AXIN2: variants seen among roughly 807,000 people sequenced by gnomAD.
The protein encoded by AXIN2 is axin 2, also known as axin-2.
In AXIN2, 21 loss-of-function variants were observed where a neutral mutation model predicts 74.7. The observed-to-expected ratio is 0.28, with a 90% CI of 0.20 to 0.40. The LOEUF is 0.40. AXIN2 is among the 10% of genes least tolerant of loss of function. AXIN2 has a pLI of 1.00. For missense variants in AXIN2, 1,144 were observed against 1,111.1 expected (o/e 1.03, Z -0.42); for synonymous variants, 532 against 454.9 (o/e 1.17, Z -2.16).
intron 3 of AXIN2, among the ~76,000 whole-genome samples, chr17:65,546,440 C>T (rs1057125735): frequency 2.6e-5 from 4 of 152,260 alleles, no homozygotes; most frequent in South Asian, 2.1e-4. Flanking sequence ...CAGGGCCAGT[C>T]GGCCAGAGAA....
Position 65,553,856 on chromosome 17 carries a change from G to C in AXIN2, c.815+3950C>G, listed in dbSNP as rs1410032198. On this transcript the variant is annotated intron_variant, in intron 2 of 10. Transcript: ENST00000307078. ...TACTTAAAAAAAAAGGCGGGGGGGG[G>C]GGGAGGAAACTCAAACCACGCTACA... Among the ~76,000 whole-genome samples the C allele has an allele frequency of 2.7e-5, 4 of 147,338 alleles. 1 individual carries two copies. The highest frequency in any genetic ancestry group is 4.5e-5 in the Non-Finnish European group (3 of 66,484).
chr17:65,534,293 A>T (rs1377982600), intron 9 of AXIN2, among the ~76,000 whole-genome samples: 1 of 152,232 alleles, frequency 6.6e-6, no homozygotes, highest in Non-Finnish European at 1.5e-5. Flanking sequence ...TGCTGCATGC[A>T]GCATGCAGAA....
At position 65,529,568 on chromosome 17, in the gene AXIN2, C is replaced by A; in HGVS notation, c.*408G>T. On this transcript the variant is annotated 3_prime_UTR_variant, in exon 11 of 11. Coordinates refer to ENST00000307078, the MANE Select transcript of AXIN2 (RefSeq NM_004655.4). ...CCTTCCAAGTTTAAAGCAGCATATC[C>A]ATAAACTGGGGATGGGGGAAATCAA... 1 of 349,100 alleles carries A rather than the reference C, an allele frequency of 2.9e-6. No individual in the cohort carries two copies. Among genetic ancestry groups the A allele is most frequent in the Non-Finnish European group, 5.3e-6 (1 of 187,462 alleles). 21.6% of individuals were successfully genotyped at this position (349,100 alleles called of 1,614,324 possible).
At chr17:65,552,885 G>A (rs562790802) in intron 2 of AXIN2, among the ~76,000 whole-genome samples, 5 of 152,098 alleles carry the variant, frequency 3.3e-5, no homozygotes, top group African/African-American at 4.8e-5. Context: ...AAAACTAGCC[G>A]GGCGTGGTGG....
At chr17:65,541,912 G>T (rs2044049600) in intron 3 of AXIN2, among the ~76,000 whole-genome samples, 1 of 152,196 alleles carries the variant, frequency 6.6e-6, no homozygotes, top group African/African-American at 2.4e-5. Context: ...CCCTAAGTAG[G>T]AGATTCTCAG....
At chr17:65,531,111 T>C (rs2043808290) in intron 10 of AXIN2, among the ~76,000 whole-genome samples, 1 of 151,972 alleles carries the variant, frequency 6.6e-6, no homozygotes, top group Admixed American at 6.6e-5. Flanking sequence ...AGAGGGAAGG[T>C]CACAGTCCCC....
chr17:65,543,650 C>A (rs145537627), intron 3 of AXIN2, among the ~76,000 whole-genome samples: 1 of 152,326 alleles, frequency 6.6e-6, no homozygotes, highest in East Asian at 1.9e-4. Flanking sequence ...GACTCCAGAA[C>A]AGGCATCTGT....
chr17:65,553,809 A>G (rs1221639354), intron 2 of AXIN2, among the ~76,000 whole-genome samples: 1 of 90,208 alleles, frequency 1.1e-5, no homozygotes, highest in Non-Finnish European at 2.1e-5. Context: ...AAGAAAACGG[A>G]GTGGGGCTGT....
rs764704332 is a variant in AXIN2 at position 65,557,935 on chromosome 17, T to A, written c.686A>T (p.Asn229Ile). Residue 229 changes from asparagine to isoleucine, a missense_variant, in exon 2 of 11, where the codon AAT becomes ATT. Asn to Ile is a moderately radical substitution (Grantham distance 149). This residue lies in a region of AXIN2 where 1,053 missense variants were observed against 973.5 expected (regional missense o/e 1.08). Coordinates refer to ENST00000307078, the MANE Select transcript of AXIN2 (RefSeq NM_004655.4). ...KVVCGYLPTL[N>I]EEEEWTCADF... ...GGCACAAGTCCACTCCTCTTCTTCATTCAAGGTGGGGAGATAGCCACACAC... is the reference window on the plus strand; with the variant it reads ...GGCACAAGTCCACTCCTCTTCTTCAATCAAGGTGGGGAGATAGCCACACAC... 1.2e-6 allele frequency: 2 copies of A among 1,614,166 alleles called. No homozygotes were observed. The highest frequency in any genetic ancestry group is 1.3e-5 in the African/African-American group (1 of 75,040).
chr17:65,554,200 T>A (rs780882655), intron 2 of AXIN2, among the ~76,000 whole-genome samples: 1 of 152,202 alleles, frequency 6.6e-6, no homozygotes, highest in Non-Finnish European at 1.5e-5. Flanking sequence ...AGCACAGAAC[T>A]GACCTGACAG....
intron 2 of AXIN2, among the ~76,000 whole-genome samples, chr17:65,553,347 C>A (rs1422124863): frequency 6.6e-6 from 1 of 152,090 alleles, no homozygotes; most frequent in Non-Finnish European, 1.5e-5. Context: ...CCAAAAAAGC[C>A]AAAACAGCCT....
intron 10 of AXIN2, among the ~76,000 whole-genome samples, chr17:65,530,757 T>TC (rs1567750202): frequency 6.6e-6 from 1 of 152,028 alleles, no homozygotes; most frequent in Non-Finnish European, 1.5e-5. Flanking sequence ...CATGATGCCC[T>TC]CCCCTCTTCT....
intron 2 of AXIN2, among the ~76,000 whole-genome samples, chr17:65,557,289 T>C (rs1307107846): frequency 6.6e-6 from 1 of 152,220 alleles, no homozygotes; most frequent in African/African-American, 2.4e-5. Context: ...ACAAGCTCAG[T>C]TAAGCCAATT....
intron 10 of AXIN2, among the ~76,000 whole-genome samples, chr17:65,533,408 G>A (rs374342574): frequency 2.6e-5 from 4 of 152,182 alleles, no homozygotes; most frequent in Admixed American, 1.3e-4. Flanking sequence ...AGAAAAACAC[G>A]GGGGACTTTT....
rs1060502143 is a variant in AXIN2 at position 65,537,566 on chromosome 17, C to T, written c.1470G>A (p.Ala490=). Residue 490 remains alanine, a synonymous_variant, in exon 6 of 11, where the codon GCG becomes GCA. Transcript: ENST00000307078. ...GGGGGCAGGCGCCCGGCGAGGCGGC[C>T]GCGGGAGGCAGCTTGCCACCGGGCG... ...LLPPGGKLPP[A]AASPGACPLL... is the part of the protein sequence containing the mutation. 3 of 1,610,738 alleles carry T rather than the reference C, an allele frequency of 1.9e-6. No homozygotes were observed. Among genetic ancestry groups the T allele is most frequent in the East Asian group, 2.2e-5 (1 of 44,702 alleles).
chr17:65,559,503 GA>G (rs1434029170), intron 1 of AXIN2: 3 of 150,008 alleles, frequency 2.0e-5, no homozygotes, highest in Non-Finnish European at 4.4e-5. Flanking sequence ...CCCCAAACCA[GA>G]AACCAACTCA....
chr17:65,536,187 C>CATGG, intron 8 of AXIN2, 133 bp downstream of exon 8: 1 of 917,080 alleles, frequency 1.1e-6, no homozygotes, highest in South Asian at 1.4e-5. Flanking sequence ...CTTACTCATC[C>CATGG]ATAAGTAATT....
At chr17:65,546,762 A>G (rs2144524831) in intron 3 of AXIN2, among the ~76,000 whole-genome samples, 1 of 152,280 alleles carries the variant, frequency 6.6e-6, no homozygotes, top group Middle Eastern at 3.4e-3. Flanking sequence ...CAGAGCCAAC[A>G]CCATGAGCCC....
rs201239861 is a variant in AXIN2, at chr17:65,529,905, A to G, written c.*71T>C. 1.7e-4 allele frequency: 277 copies of G among 1,611,674 alleles called. 1 individual carries two copies. The highest frequency in any genetic ancestry group is 6.7e-4 in the Admixed American group (40 of 59,960). ...ATTTTCCTTCAAAATGTTTTGTCGC[A>G]GTTGCTCACAGCCAAGACAGTTCAC... is the stretch of plus-strand genomic sequence containing the variant. On this transcript the variant is annotated 3_prime_UTR_variant, in exon 11 of 11. Coordinates refer to ENST00000307078, the MANE Select transcript of AXIN2 (RefSeq NM_004655.4).
Sources: allele counts gnomAD v4.1 joint callset (sites outside exome capture counted in the v4.1 genomes callset), GRCh38; gene constraint gnomAD v4.1.1; regional missense constraint gnomAD v4.1.1; transcripts MANE v1.5; gene names NCBI Gene and HGNC (gene_info 2026-07-23, HGNC 2026-07-21).